TMEM132B: variants seen among roughly 807,000 people sequenced by gnomAD.
TMEM132B encodes transmembrane protein 132B.
Under a neutral mutation model 90.8 loss-of-function variants are expected in TMEM132B, and 18 were observed. The observed-to-expected ratio is 0.20, with a 90% CI of 0.14 to 0.29. The LOEUF (loss-of-function observed/expected upper bound fraction) is 0.29. Ranked by LOEUF, TMEM132B falls within the 10% of genes least tolerant of loss-of-function variation. The probability of loss-of-function intolerance (pLI) is 1.00; values close to 1 mark genes in which losing one functional copy is unlikely to be tolerated. For synonymous variants in TMEM132B, 504 were observed against 523.3 expected (o/e 0.96, Z 0.50); for missense variants, 1,096 against 1,326.8 (o/e 0.83, Z 2.70).
intron 5 of TMEM132B, among the ~76,000 whole-genome samples, chr12:125,620,008 A>G (rs965091276): frequency 1.3e-5 from 2 of 152,182 alleles, no homozygotes; most frequent in Non-Finnish European, 1.5e-5. Flanking sequence ...AGGTGCTGTC[A>G]TTCTGGGACT....
At chr12:125,650,566 G>A in intron 6 of TMEM132B, 117 bp from the exon 7 acceptor site, 2 of 1,210,808 alleles carry the variant, frequency 1.7e-6, no homozygotes, top group Non-Finnish European at 2.3e-6. Context: ...AGCAGGTCCT[G>A]CAGGAGAAGG....
chr12:125,456,515 C>T (rs1212400297), intron 3 of TMEM132B, among the ~76,000 whole-genome samples: 1 of 152,238 alleles, frequency 6.6e-6, no homozygotes, highest in African/African-American at 2.4e-5. Context: ...GGGGGCTCAT[C>T]CTGCCTCCAC....
intron 3 of TMEM132B, among the ~76,000 whole-genome samples, chr12:125,508,326 G>A (rs1422218101): frequency 6.6e-6 from 1 of 152,172 alleles, no homozygotes; most frequent in African/African-American, 2.4e-5. Flanking sequence ...GGTCAGCCAC[G>A]AACAAAGCCC....
rs764603522 is a variant in TMEM132B at position 125,350,350 on chromosome 12, G to A, written c.959+7G>A. On this transcript the variant is annotated splice_region_variant and intron_variant, in intron 2 of 8. Transcript: ENST00000682704. ...CAGACCAGTTCACTCTTAGGTAAGA[G>A]GCTTTGCCAGGTGGGATGGAACAGA... 1.2e-6 allele frequency: 2 copies of A among 1,602,798 alleles called. No individual in the cohort carries two copies. Among genetic ancestry groups the A allele is most frequent in the Non-Finnish European group, 1.7e-6 (2 of 1,175,038 alleles).
chr12:125,359,755 A>T (rs1877901710), intron 2 of TMEM132B, among the ~76,000 whole-genome samples: 1 of 152,214 alleles, frequency 6.6e-6, no homozygotes, highest in African/African-American at 2.4e-5. Flanking sequence ...CGACCCTGTG[A>T]TGACTTACAA....
At chr12:125,530,434 G>A (rs1883614336) in intron 4 of TMEM132B, among the ~76,000 whole-genome samples, 1 of 152,188 alleles carries the variant, frequency 6.6e-6, no homozygotes. Context: ...GTCTGCTGCA[G>A]CGCTATGTTA....
At chr12:125,501,160 A>C (rs1882686093) in intron 3 of TMEM132B, among the ~76,000 whole-genome samples, 1 of 152,206 alleles carries the variant, frequency 6.6e-6, no homozygotes, top group Non-Finnish European at 1.5e-5. Context: ...TATCTTTGAG[A>C]GAAAAGAGAC....
intron 1 of TMEM132B, among the ~76,000 whole-genome samples, chr12:125,309,138 C>T (rs1450120952): frequency 6.6e-6 from 1 of 152,186 alleles, no homozygotes; most frequent in East Asian, 1.9e-4. Flanking sequence ...GCTATTATGA[C>T]TAATCCTAAA....
At chr12:125,551,934 C>A (rs751335742) in intron 4 of TMEM132B, among the ~76,000 whole-genome samples, 4 of 152,160 alleles carry the variant, frequency 2.6e-5, no homozygotes, top group Non-Finnish European at 5.9e-5. Context: ...ATGGTCTAGG[C>A]TGAGGACAGT....
At chr12:125,248,809 C>T (rs1196584824) in intron 1 of TMEM132B, among the ~76,000 whole-genome samples, 2 of 152,182 alleles carry the variant, frequency 1.3e-5, no homozygotes, top group African/African-American at 4.8e-5. Context: ...TCCCCTTCTC[C>T]CTCTGCCCAC....
chr12:125,471,176 G>A (rs888992694), intron 3 of TMEM132B, among the ~76,000 whole-genome samples: 4 of 152,272 alleles, frequency 2.6e-5, no homozygotes, highest in Non-Finnish European at 5.9e-5. Flanking sequence ...GATTTGCCGA[G>A]TGGAATATCT....
chr12:125,567,421 C>T (rs1053549792), intron 4 of TMEM132B, among the ~76,000 whole-genome samples: 1 of 152,078 alleles, frequency 6.6e-6, no homozygotes, highest in Non-Finnish European at 1.5e-5. Context: ...TTCCTCATCT[C>T]CTTCTTGCTC....
At chr12:125,446,233 G>C (rs1881003720) in intron 3 of TMEM132B, among the ~76,000 whole-genome samples, 1 of 152,178 alleles carries the variant, frequency 6.6e-6, no homozygotes, top group Non-Finnish European at 1.5e-5. Flanking sequence ...CTGTTGTGAG[G>C]TGACTCATAC....
intron 3 of TMEM132B, among the ~76,000 whole-genome samples, chr12:125,418,914 A>G (rs779876381): frequency 1.1e-4 from 16 of 152,264 alleles, no homozygotes; most frequent in Non-Finnish European, 1.9e-4. Context: ...GAAAGTGTTC[A>G]GAACAGATAA....
At chr12:125,457,176 A>G (rs1188331998) in intron 3 of TMEM132B, among the ~76,000 whole-genome samples, 2 of 152,174 alleles carry the variant, frequency 1.3e-5, no homozygotes, top group Non-Finnish European at 2.9e-5. Context: ...CAGGAAGCTG[A>G]TGGACAGGGA....
intron 5 of TMEM132B, among the ~76,000 whole-genome samples, chr12:125,633,108 C>CT (rs1220543759): frequency 1.3e-5 from 2 of 151,982 alleles, no homozygotes; most frequent in African/African-American, 2.4e-5. Flanking sequence ...GATTTTTATT[C>CT]TTTTTTTAAA....
intron 5 of TMEM132B, among the ~76,000 whole-genome samples, chr12:125,598,419 A>G (rs376962089): frequency 2.6e-5 from 4 of 152,280 alleles, no homozygotes; most frequent in African/African-American, 2.4e-5. Context: ...TCGAGGCAGC[A>G]ACAAAGTCAT....
intron 2 of TMEM132B, among the ~76,000 whole-genome samples, chr12:125,369,440 G>A (rs1435350826): frequency 1.3e-5 from 2 of 152,148 alleles, no homozygotes; most frequent in African/African-American, 2.4e-5. Context: ...GGTGTGTTTG[G>A]CAGTTTGATA....
intron 5 of TMEM132B, among the ~76,000 whole-genome samples, chr12:125,619,599 A>G (rs1326647122): frequency 2.0e-5 from 3 of 151,942 alleles, no homozygotes; most frequent in Admixed American, 2.0e-4. Flanking sequence ...TCCTGACCTT[A>G]GGTGATCCAC....
Sources: gnomAD v4.1 joint callset for allele counts (sites outside exome capture counted in the v4.1 genomes callset) on GRCh38, gnomAD v4.1.1 for gene constraint, MANE v1.5 for transcripts, NCBI Gene and HGNC (gene_info 2026-07-23, HGNC 2026-07-21) for gene names.